MAP3K8: variants seen among roughly 807,000 people sequenced by gnomAD.
MAP3K8 encodes Ewing sarcoma transformant.
In MAP3K8, 22 loss-of-function variants were observed where a neutral mutation model predicts 45.8. That is an observed-to-expected ratio of 0.48 (90% CI 0.34 to 0.69). The LOEUF (loss-of-function observed/expected upper bound fraction) is 0.69. Ranked by LOEUF, MAP3K8 falls within the 30% of genes least tolerant of loss-of-function variation. The probability of loss-of-function intolerance (pLI) is 0.01; values close to 1 mark genes in which losing one functional copy is unlikely to be tolerated. For missense variants in MAP3K8, 419 were observed against 585.0 expected, an observed-to-expected ratio of 0.72 and a Z score of 2.93; for synonymous variants, 223 against 214.3, an observed-to-expected ratio of 1.04 and a Z score of -0.36.
chr10:30,444,511 G>C (rs1303426720), intron 3 of MAP3K8, among the ~76,000 whole-genome samples: 1 of 152,148 alleles, frequency 6.6e-6, no homozygotes, highest in Non-Finnish European at 1.5e-5. Context: ...GGGATCTGGG[G>C]CTAGGGGAAG....
At position 30,437,409 on chromosome 10, in the gene MAP3K8, A is replaced by G. The variant is rs1165412366; in HGVS notation, c.-24+3A>G. Reference sequence around the variant, plus strand: ...AATCCTCACGACCACCTCATGAGGTAGGTGCTGTTATTACTTCCATTTTAC... The same window carrying G: ...AATCCTCACGACCACCTCATGAGGTGGGTGCTGTTATTACTTCCATTTTAC... On this transcript the variant is annotated splice_donor_region_variant and intron_variant, in intron 2 of 8. Transcript: ENST00000263056. The G allele has an allele frequency of 5.9e-5, 38 of 639,914 alleles. No homozygotes were observed. The highest frequency in any genetic ancestry group is 7.4e-5 in the Non-Finnish European group (38 of 514,350). 39.6% of individuals were successfully genotyped at this position (639,914 alleles called of 1,614,324 possible).
rs931083864 is a variant in MAP3K8 at position 30,446,947 on chromosome 10, C to T, written c.337-835C>T. On this transcript the variant is annotated intron_variant, in intron 3 of 8. Transcript: ENST00000263056. ...ATTTTTTTCTGTAGAAATGAAGTCT[C>T]GCTATGTTGCCTAGGCTGGTCTTGA... Among the ~76,000 whole-genome samples the T allele has an allele frequency of 3.9e-5, 6 of 152,176 alleles. No homozygotes were observed. The East Asian group carries it at 7.7e-4, about 20-fold the overall frequency.
chr10:30,434,759 C>G lies in MAP3K8; in HGVS notation c.-255+381C>G, dbSNP rs561436737. On this transcript the variant is annotated intron_variant, in intron 1 of 8. Coordinates refer to ENST00000263056, the MANE Select transcript of MAP3K8 (RefSeq NM_005204.4). The stretch of plus-strand genomic sequence containing the variant: ...CCTGCCCGAGACCCGGTGAGTGCAG[C>G]TCGGAGGCTGGAGGACCCGATCCTC... 2.1e-4 allele frequency: 208 copies of G among 985,530 alleles called. No homozygotes were observed. In the Admixed American group the frequency reaches 2.1e-3, roughly 10 times the overall value. The allele number at this position is 985,530 out of a possible 1,614,324, so 61.0% of individuals were successfully genotyped here.
chr10:30,457,773 A>G (rs1836787541), intron 6 of MAP3K8, among the ~76,000 whole-genome samples: 1 of 152,162 alleles, frequency 6.6e-6, no homozygotes, highest in South Asian at 2.1e-4. Context: ...CAGCCTCCCA[A>G]GTAGATGGGA....
At chr10:30,450,927 CAA>C (rs1390384535) in intron 5 of MAP3K8, among the ~76,000 whole-genome samples, 19 of 101,838 alleles carry the variant, frequency 1.9e-4, no homozygotes, top group East Asian at 2.7e-4. Flanking sequence ...ACTAAAAATA[CAA>C]AAAAAAAAAA....
chr10:30,437,587 C>G (rs1037114939), intron 2 of MAP3K8, among the ~76,000 whole-genome samples, 181 bp downstream of exon 2: 8 of 152,214 alleles, frequency 5.3e-5, no homozygotes, highest in African/African-American at 1.9e-4. Flanking sequence ...CTGCTTTCCT[C>G]AGACACAATT....
intron 4 of MAP3K8, among the ~76,000 whole-genome samples, chr10:30,449,563 T>C (rs879410560): frequency 2.6e-5 from 4 of 152,250 alleles, no homozygotes; most frequent in African/African-American, 7.2e-5. Context: ...ATACACTCAC[T>C]TTTGATTTAA....
intron 6 of MAP3K8, among the ~76,000 whole-genome samples, chr10:30,452,842 AT>A (rs34295067): frequency 0.65 from 94,508 of 145,836 alleles, 30,725 homozygotes; most frequent in Non-Finnish European, 0.7. Flanking sequence ...CATCCAGCTA[AT>A]TTTTTTTTTT....
At chr10:30,442,228 G>C (rs1274607797) in intron 3 of MAP3K8, among the ~76,000 whole-genome samples, 2 of 152,248 alleles carry the variant, frequency 1.3e-5, no homozygotes, top group Non-Finnish European at 2.9e-5. Context: ...TGTGCATGCT[G>C]TTTGCTCTGG....
At chr10:30,460,384 C>A (rs1317603282) in intron 8 of MAP3K8, among the ~76,000 whole-genome samples, 1 of 152,132 alleles carries the variant, frequency 6.6e-6, no homozygotes, top group African/African-American at 2.4e-5. Context: ...CCATTTAGGT[C>A]CAAACCGAGA....
chr10:30,434,878 G>A, intron 1 of MAP3K8: 5 of 708,854 alleles, frequency 7.1e-6, no homozygotes, highest in Non-Finnish European at 8.7e-6. Flanking sequence ...GGTTGGCGGA[G>A]CCCAGAGACT....
intron 6 of MAP3K8, 95 bp from the exon 7 acceptor site, chr10:30,457,989 A>T: frequency 9.3e-7 from 1 of 1,077,766 alleles, no homozygotes; most frequent in Non-Finnish European, 1.3e-6. Context: ...CTCCTAGTTT[A>T]AGGCAAATGA....
In MAP3K8 at chr10:30,459,314, A is replaced by G; in HGVS notation, c.1086A>G (p.Arg362=). Residue 362 remains arginine (R), a synonymous_variant, in exon 8 of 9, where the codon AGA becomes AGG. Coordinates refer to ENST00000263056, the MANE Select transcript of MAP3K8 (RefSeq NM_005204.4). ...CAGATGACTGCAGTCCAGGGATGAG[A>G]GAGCTGATAGAAGCTTCCCTGGAGA... is the stretch of plus-strand genomic sequence containing the variant. ...DIADDCSPGM[R]ELIEASLERN... The G allele has an allele frequency of 6.2e-7, 1 of 1,614,184 alleles. No homozygotes were observed. Among genetic ancestry groups the G allele is most frequent in the Non-Finnish European group, 8.5e-7 (1 of 1,180,026 alleles).
Position 30,460,686 on chromosome 10 carries a change from T to G in MAP3K8, c.1274-20T>G. The G allele has an allele frequency of 6.3e-7, 1 of 1,593,244 alleles. No homozygotes were observed. The highest frequency in any genetic ancestry group is 8.6e-7 in the Non-Finnish European group (1 of 1,168,306). On this transcript the variant is annotated intron_variant, in intron 8 of 8. Transcript: ENST00000263056. ...TGACACGTTTTCTTGTTACTTACTTTGTAATGTTTTCCTTTTCAGATTCTT... is the reference window on the plus strand; with the variant it reads ...TGACACGTTTTCTTGTTACTTACTTGGTAATGTTTTCCTTTTCAGATTCTT...
chr10:30,457,738 C>T (rs960761794), intron 6 of MAP3K8, among the ~76,000 whole-genome samples: 4 of 152,244 alleles, frequency 2.6e-5, no homozygotes, highest in African/African-American at 9.6e-5. Flanking sequence ...CTCCGCCTTC[C>T]GAGCTCAAGC....
rs1306566237 is a variant in MAP3K8 at position 30,461,223 on chromosome 10, T to C, written c.*387T>C. The C allele has an allele frequency of 1.7e-5, 4 of 236,442 alleles. No homozygotes were observed. The highest frequency in any genetic ancestry group is 3.3e-5 in the Non-Finnish European group (4 of 120,366). 14.6% of individuals were successfully genotyped at this position (236,442 alleles called of 1,614,324 possible). A position where few individuals can be genotyped will look rare whatever the true frequency, so the allele number is the denominator to read the frequency against. On this transcript the variant is annotated 3_prime_UTR_variant, in exon 9 of 9. Coordinates refer to ENST00000263056, the MANE Select transcript of MAP3K8 (RefSeq NM_005204.4). ...TTTAAGTATGGAATATTCATTTTACTCAGAATAGCTGTTTTGTGTATATTG... is the reference window on the plus strand; with the variant it reads ...TTTAAGTATGGAATATTCATTTTACCCAGAATAGCTGTTTTGTGTATATTG...
At position 30,437,337 on chromosome 10, in the gene MAP3K8, C is replaced by T. The variant is rs1283622827; in HGVS notation, c.-93C>T. 3 of 984,092 alleles carry T rather than the reference C, an allele frequency of 3.0e-6. No homozygotes were observed. The African/African-American group carries it at 5.2e-5, about 17-fold the overall frequency. The allele number at this position is 984,092 out of a possible 1,614,324, so 61.0% of individuals were successfully genotyped here. On this transcript the variant is annotated 5_prime_UTR_variant, in exon 2 of 9. Transcript: ENST00000263056. ...GCTAAAAATGACACAGCTTATTTAC[C>T]ATGCCCCTGACACTGCACTGAGCAC... is the stretch of plus-strand genomic sequence containing the variant.
intron 7 of MAP3K8, 44 bp downstream of exon 7, chr10:30,458,280 T>A: frequency 9.2e-7 from 1 of 1,086,556 alleles, no homozygotes; most frequent in Non-Finnish European, 1.3e-6. Flanking sequence ...GGGGGGGGCG[T>A]TGAGTTATGC....
At chr10:30,460,400 A>T (rs1453135360) in intron 8 of MAP3K8, among the ~76,000 whole-genome samples, 1 of 152,208 alleles carries the variant, frequency 6.6e-6, no homozygotes. Context: ...CGAGATGTCA[A>T]GCCTGGTGCG....
Sources: allele counts gnomAD v4.1 joint callset (sites outside exome capture counted in the v4.1 genomes callset), GRCh38; gene constraint gnomAD v4.1.1; transcripts MANE v1.5; gene names NCBI Gene and HGNC (gene_info 2026-07-23, HGNC 2026-07-21).